Variants in PUSL1 observed in about 807,000 individuals in gnomAD.
The protein encoded by PUSL1 is pseudouridine synthase like 1, also known as tRNA pseudouridine synthase-like 1.
In PUSL1, 51 loss-of-function variants were observed where a neutral mutation model predicts 30.7. The ratio of observed to expected loss-of-function variants is 1.66; its 90% CI spans 1.33 to 2.10. The LOEUF (loss-of-function observed/expected upper bound fraction) is 2.10. Ranked by LOEUF, PUSL1 falls within the 30% of genes most tolerant of loss-of-function variation. The pLI, the probability that PUSL1 is intolerant of heterozygous loss-of-function variation, is 0.00. For synonymous variants in PUSL1, 290 were observed against 192.1 expected, an observed-to-expected ratio of 1.51 and a Z score of -4.21; for missense variants, 609 against 427.6, an observed-to-expected ratio of 1.42 and a Z score of -3.74.
rs1642150687 is a variant in PUSL1 at position 1,311,489 on chromosome 1, A to G, written c.*110A>G. 1 of 1,171,218 alleles carries G rather than the reference A, an allele frequency of 8.5e-7. No individual in the cohort carries two copies. Among genetic ancestry groups the G allele is most frequent in the Non-Finnish European group, 1.2e-6 (1 of 809,602 alleles). 72.6% of individuals were successfully genotyped at this position (1,171,218 alleles called of 1,614,324 possible). On this transcript the variant is annotated 3_prime_UTR_variant, in exon 8 of 8. Coordinates refer to ENST00000379031, the MANE Select transcript of PUSL1 (RefSeq NM_153339.3). ...CACAGCACTGCTGCCTGGTCTCCAC[A>G]GTAGCCTCCCTGCCCGGGTCCCAGC... is the stretch of plus-strand genomic sequence containing the variant.
At chr1:1,310,177 T>G in intron 5 of PUSL1, 1 of 375,192 alleles carries the variant, frequency 2.7e-6, no homozygotes, top group Non-Finnish European at 4.9e-6. Context: ...CCCAGCACTG[T>G]CCCGAGGGCC....
chr1:1,308,853 G>A, intron 1 of PUSL1, 62 bp from the exon 2 acceptor site: 7 of 1,426,766 alleles, frequency 4.9e-6, no homozygotes, highest in Non-Finnish European at 6.4e-6. Flanking sequence ...CCTGGCCTCA[G>A]ACGGCGGCGG....
In PUSL1 at chr1:1,309,399, T is replaced by C. The variant is rs184360952; in HGVS notation, c.324-55T>C. The C allele has an allele frequency of 9.6e-5, 147 of 1,527,458 alleles. No individual in the cohort carries two copies. In the African/African-American group the frequency reaches 1.9e-3, roughly 19 times the overall value. 94.6% of individuals were successfully genotyped at this position (1,527,458 alleles called of 1,614,324 possible). On this transcript the variant is annotated intron_variant, in intron 3 of 7. Transcript: ENST00000379031. ...GCTCGAGGGGGAAGGAGAGCCAATG[T>C]GACACCGCGGGCGGGCGGGGTCGTT...
At chr1:1,309,328 G>C in intron 3 of PUSL1, 55 bp downstream of exon 3, 1 of 1,447,112 alleles carries the variant, frequency 6.9e-7, no homozygotes, top group Non-Finnish European at 9.2e-7. Flanking sequence ...TCCATCTGTC[G>C]CGGGCGGAGG....
intron 5 of PUSL1, 101 bp downstream of exon 5, chr1:1,309,952 G>A: frequency 1.0e-6 from 1 of 1,001,492 alleles, no homozygotes; most frequent in Non-Finnish European, 1.4e-6. Context: ...GCGGGAGGCA[G>A]GCAGCCGGGA....
In PUSL1 at chr1:1,309,591, C is replaced by G. The variant is rs763432233; in HGVS notation, c.461C>G (p.Thr154Ser). 3 of 1,611,574 alleles carry G rather than the reference C, an allele frequency of 1.9e-6. No individual in the cohort carries two copies. The highest frequency in any genetic ancestry group is 3.3e-5 in the Admixed American group (2 of 59,976). ...LPVFERNLCW[T>S]LPADCLDMVA... The stretch of plus-strand genomic sequence containing the variant: ...GTGTTTGAACGCAACCTATGCTGGA[C>G]TCTCCCGGCAGAGTGAGTGTGGCCC... Residue 154 changes from threonine (T) to serine (S), a missense_variant, in exon 4 of 8, where the codon ACT (threonine) becomes AGT (serine). Transcript: ENST00000379031.
In PUSL1 at chr1:1,308,709, C is replaced by T. The variant is rs750772669; in HGVS notation, c.66C>T (p.Gly22=). Residue 22 remains glycine, a synonymous_variant, in exon 1 of 8, where the codon GGC becomes GGT. Coordinates refer to ENST00000379031, the MANE Select transcript of PUSL1 (RefSeq NM_153339.3). The part of the protein sequence containing the change: ...ARYLVYFQYV[G]TDFNGVAAVR... ...ATCTTGTGTACTTCCAGTACGTGGG[C>T]ACCGACTTTAAGTAGGTTTCCCAGG... 7 of 1,556,588 alleles carry T rather than the reference C, an allele frequency of 4.5e-6. No individual in the cohort carries two copies. In the South Asian group the frequency reaches 4.7e-5, roughly 11 times the overall value.
In PUSL1 at chr1:1,311,657, AT is replaced by A; in HGVS notation, c.*279del. ...CTAGGACCACCTGCCCTAACCAGGA[AT>A]AAAGGCAAGACAGCCTGGAGACCAG... is the stretch of plus-strand genomic sequence containing the variant. On this transcript the variant is annotated 3_prime_UTR_variant, in exon 8 of 8. Transcript: ENST00000379031. 1.4e-6 allele frequency: 1 copy of A among 716,268 alleles called. No individual in the cohort carries two copies. Among genetic ancestry groups the A allele is most frequent in the Non-Finnish European group, 2.5e-6 (1 of 401,668 alleles). The allele number at this position is 716,268 out of a possible 1,614,324, so 44.4% of individuals were successfully genotyped here.
At chr1:1,309,967 T>A in intron 5 of PUSL1, 116 bp downstream of exon 5, 1 of 819,906 alleles carries the variant, frequency 1.2e-6, no homozygotes, top group Non-Finnish European at 1.9e-6. Context: ...CCGGGAGTCC[T>A]CAGGACCTGG....
chr1:1,311,510 C>T lies in PUSL1; in HGVS notation c.*131C>T. On this transcript the variant is annotated 3_prime_UTR_variant, in exon 8 of 8. Coordinates refer to ENST00000379031, the MANE Select transcript of PUSL1 (RefSeq NM_153339.3). ...CCACAGTAGCCTCCCTGCCCGGGTC[C>T]CAGCACCCTGGATGCCCGTCTCTGT... 1.0e-6 allele frequency: 1 copy of T among 976,260 alleles called. No individual in the cohort carries two copies. Among genetic ancestry groups the T allele is most frequent in the Non-Finnish European group, 1.6e-6 (1 of 634,376 alleles). The allele number at this position is 976,260 out of a possible 1,614,324, so 60.5% of individuals were successfully genotyped here.
chr1:1,308,980 C>T lies in PUSL1; in HGVS notation c.135+8C>T. 1 of 1,409,430 alleles carries T rather than the reference C, an allele frequency of 7.1e-7. No homozygotes were observed. The highest frequency in any genetic ancestry group is 1.6e-5 in the South Asian group (1 of 62,848). The allele number at this position is 1,409,430 out of a possible 1,614,324, so 87.3% of individuals were successfully genotyped here. A position where few individuals can be genotyped will look rare whatever the true frequency, so the allele number is the denominator to read the frequency against. On this transcript the variant is annotated splice_region_variant and intron_variant, in intron 2 of 7. Transcript: ENST00000379031. ...GTCCAGAACTACCTGGAGGTGCGCT[C>T]AGCCGGTCACGGGACGCCCGGTGAG...
In PUSL1 at chr1:1,309,830, T is replaced by C. The variant is rs1570686038; in HGVS notation, c.623T>C (p.Leu208Ser). The C allele has an allele frequency of 4.5e-6, 7 of 1,541,382 alleles. No homozygotes were observed. The highest frequency in any genetic ancestry group is 1.4e-5 in the African/African-American group (1 of 73,016). The change falls in exon 5 of 8, where the codon TTG becomes TCG. Residue 208 changes from leucine (L) to serine (S), a missense_variant. Leu to Ser is a moderately radical substitution (Grantham distance 145). Coordinates refer to ENST00000379031, the MANE Select transcript of PUSL1 (RefSeq NM_153339.3). ...VSVSPGQASP[L>S]VTPEESRKLR... ...GTTTCCCCAGGCCAAGCCAGCCCCT[T>C]GGTCACCCCCGAGGAGAGCAGGTGA...
In PUSL1 at chr1:1,311,532, C is replaced by A; in HGVS notation, c.*153C>A. The A allele has an allele frequency of 1.2e-6, 1 of 817,984 alleles. No homozygotes were observed. Among genetic ancestry groups the A allele is most frequent in the South Asian group, 1.4e-5 (1 of 69,444 alleles). The allele number at this position is 817,984 out of a possible 1,614,324, so 50.7% of individuals were successfully genotyped here. A position where few individuals can be genotyped will look rare whatever the true frequency, so the allele number is the denominator to read the frequency against. ...GTCCCAGCACCCTGGATGCCCGTCT[C>A]TGTCCCAGGCGGGATGGGGCACAGT... is the stretch of plus-strand genomic sequence containing the variant. On this transcript the variant is annotated 3_prime_UTR_variant, in exon 8 of 8. Coordinates refer to ENST00000379031, the MANE Select transcript of PUSL1 (RefSeq NM_153339.3).
rs1402594729 is a variant in PUSL1, at chr1:1,310,951, G to A, written c.742G>A (p.Ala248Thr). 1 of 1,608,106 alleles carries A rather than the reference G, an allele frequency of 6.2e-7. No individual in the cohort carries two copies. The highest frequency in any genetic ancestry group is 8.5e-7 in the Non-Finnish European group (1 of 1,179,902). The change falls in exon 7 of 8, where the codon GCT (alanine) becomes ACT (threonine). Residue 248 changes from alanine (A) to threonine (T), a missense_variant. By Grantham distance (58) the Ala-to-Thr change is moderately conservative (BLOSUM62 0). Transcript: ENST00000379031. ...TGTGCTGGTGGCCGTGGGGCTGGGG[G>A]CTTTGGCACCTGCCCAGGTGAAGAC... ...TAVLVAVGLG[A>T]LAPAQVKTIL...
chr1:1,308,897 G>A lies in PUSL1; in HGVS notation c.78-18G>A, dbSNP rs767088900. 2.8e-6 allele frequency: 4 copies of A among 1,406,762 alleles called. No individual in the cohort carries two copies. The highest frequency in any genetic ancestry group is 1.6e-5 in the South Asian group (1 of 63,292). 87.1% of individuals were successfully genotyped at this position (1,406,762 alleles called of 1,614,324 possible). A position where few individuals can be genotyped will look rare whatever the true frequency, so the allele number is the denominator to read the frequency against. On this transcript the variant is annotated intron_variant, in intron 1 of 7. Transcript: ENST00000379031. ...GGGCAGGGCGCCCCCGGTAACCTCC[G>A]CCCGCTTCTGCCCGCAGCGGGGTCG... is the stretch of plus-strand genomic sequence containing the variant.
At chr1:1,309,337 G>A in intron 3 of PUSL1, 64 bp downstream of exon 3, 2 of 1,450,424 alleles carry the variant, frequency 1.4e-6, no homozygotes, top group Admixed American at 2.2e-5. Context: ...CGCGGGCGGA[G>A]GCTGGAGATC....
rs978481365 is a variant in PUSL1, at chr1:1,311,555, A to G, written c.*176A>G. The G allele has an allele frequency of 8.1e-6, 6 of 743,536 alleles. No homozygotes were observed. The Admixed American group carries it at 1.0e-4, about 12-fold the overall frequency. The allele number at this position is 743,536 out of a possible 1,614,324, so 46.1% of individuals were successfully genotyped here. A position where few individuals can be genotyped will look rare whatever the true frequency, so the allele number is the denominator to read the frequency against. On this transcript the variant is annotated 3_prime_UTR_variant, in exon 8 of 8. Transcript: ENST00000379031. ...CTCTGTCCCAGGCGGGATGGGGCAC[A>G]GTGCAGGACACAGCCATGTACACCA...
Position 1,309,765 on chromosome 1 carries a change from C to G in PUSL1, c.558C>G (p.Ser186Arg). 1.3e-6 allele frequency: 2 copies of G among 1,577,130 alleles called. No homozygotes were observed. Among genetic ancestry groups the G allele is most frequent in the Non-Finnish European group, 1.7e-6 (2 of 1,161,804 alleles). Reference sequence around the variant, plus strand: ...TCAGCGCCTTCCAGTCCGCTGGCAGCCCGGTGCCGAGCCCCGTGCGAACGC... The same window carrying G: ...TCAGCGCCTTCCAGTCCGCTGGCAGGCCGGTGCCGAGCCCCGTGCGAACGC... ...HDFSAFQSAGSPVPSPVRTLR... is the reference protein window; with the variant it reads ...HDFSAFQSAGRPVPSPVRTLR... Residue 186 changes from serine (S) to arginine (R), a missense_variant, in exon 5 of 8, where the codon AGC (serine) becomes AGG (arginine). Coordinates refer to ENST00000379031, the MANE Select transcript of PUSL1 (RefSeq NM_153339.3).
In PUSL1 at chr1:1,309,858, AAGGGCCCC is replaced by A; in HGVS notation, c.644+8_644+15del. On this transcript the variant is annotated splice_region_variant and intron_variant, in intron 5 of 7. Coordinates refer to ENST00000379031, the MANE Select transcript of PUSL1 (RefSeq NM_153339.3). ...TCACCCCCGAGGAGAGCAGGTGAGGAAGGGCCCCTGGGCTGTGGCCCTGCCCTCAAGTC... is the reference window on the plus strand; with the variant it reads ...TCACCCCCGAGGAGAGCAGGTGAGGATGGGCTGTGGCCCTGCCCTCAAGTC... The A allele has an allele frequency of 6.6e-7, 1 of 1,504,436 alleles. No individual in the cohort carries two copies. The highest frequency in any genetic ancestry group is 2.5e-5 in the East Asian group (1 of 40,148). The allele number at this position is 1,504,436 out of a possible 1,614,324, so 93.2% of individuals were successfully genotyped here. A position where few individuals can be genotyped will look rare whatever the true frequency, so the allele number is the denominator to read the frequency against.
Sources: gnomAD v4.1 joint callset for allele counts on GRCh38, gnomAD v4.1.1 for gene constraint, MANE v1.5 for transcripts, NCBI Gene and HGNC (gene_info 2026-07-23, HGNC 2026-07-21) for gene names.